Variants in NELL1 observed in about 807,000 individuals in gnomAD.
NELL1 encodes the protein protein kinase C-binding protein NELL1.
NELL1 carries 76 observed loss-of-function variants against 107.4 expected under a neutral mutation model. The ratio of observed to expected loss-of-function variants is 0.71; its 90% confidence interval spans 0.59 to 0.86. The LOEUF is 0.86. Ranked by LOEUF, NELL1 falls within the 40% of genes least tolerant of loss-of-function variation. The probability of loss-of-function intolerance (pLI) is 0.00; values close to 1 mark genes in which losing one functional copy is unlikely to be tolerated. For missense variants in NELL1, 1,024 were observed against 1,005.5 expected, an observed-to-expected ratio of 1.02 and a Z score of -0.25; for synonymous variants, 353 against 341.2, an observed-to-expected ratio of 1.03 and a Z score of -0.38.
At chr11:21,010,814 A>G (rs759365516) in intron 12 of NELL1, among the ~76,000 whole-genome samples, 7 of 152,140 alleles carry the variant, frequency 4.6e-5, no homozygotes, top group Non-Finnish European at 8.8e-5. Context: ...ATTAGAAAAC[A>G]GCAAACTGCC....
Position 21,477,778 on chromosome 11 carries a change from C to T in NELL1, c.1646-56596C>T, listed in dbSNP as rs950497145. Reference sequence around the variant, plus strand: ...TTTCAAAATAGCTGTTTTGAGGAAACTCAGTGAAATTCAAGATAATACAGA... The same window carrying T: ...TTTCAAAATAGCTGTTTTGAGGAAATTCAGTGAAATTCAAGATAATACAGA... On this transcript the variant is annotated intron_variant, in intron 15 of 19. Transcript: ENST00000357134. 2.6e-5 allele frequency among the ~76,000 whole-genome samples: 4 copies of T among 151,394 alleles called. No individual in the cohort carries two copies. In the South Asian group the frequency reaches 6.2e-4, roughly 24 times the overall value.
chr11:20,852,016 G>A (rs545097394), intron 4 of NELL1, among the ~76,000 whole-genome samples: 3 of 152,350 alleles, frequency 2.0e-5, no homozygotes, highest in Middle Eastern at 3.4e-3. Context: ...GCAGCTAAGA[G>A]ATGGATGGCT....
chr11:21,370,798 G>A (rs566207703), intron 14 of NELL1, 55 bp from the exon 15 acceptor site: 68 of 1,395,102 alleles, frequency 4.9e-5, no homozygotes, highest in South Asian at 3.7e-4. Flanking sequence ...GCTGTTTACC[G>A]TGAATTTATC....
chr11:21,272,454 C>G (rs1353972838), intron 14 of NELL1, among the ~76,000 whole-genome samples: 1 of 152,220 alleles, frequency 6.6e-6, no homozygotes, highest in East Asian at 1.9e-4. Flanking sequence ...GCCTGCCTGC[C>G]TCTGTAGACT....
intron 2 of NELL1, among the ~76,000 whole-genome samples, chr11:20,737,216 C>G (rs1282166138): frequency 6.6e-6 from 1 of 152,030 alleles, no homozygotes; most frequent in African/African-American, 2.4e-5. Context: ...TCCTGCCCCC[C>G]AGTTTGTTAT....
chr11:21,049,689 T>A (rs76581829), intron 12 of NELL1, among the ~76,000 whole-genome samples: 57,391 of 151,726 alleles, frequency 0.38, 13,583 homozygotes, highest in African/African-American at 0.66. Context: ...AACTTTTTTT[T>A]TTTTTTGAGA....
intron 13 of NELL1, chr11:21,170,110 A>C: frequency 1.3e-6 from 1 of 792,436 alleles, no homozygotes; most frequent in Non-Finnish European, 2.1e-6. Flanking sequence ...TGGAGGCAAA[A>C]CCACCCTTCA....
At chr11:21,427,725 C>T (rs967464458) in intron 15 of NELL1, among the ~76,000 whole-genome samples, 5 of 152,120 alleles carry the variant, frequency 3.3e-5, no homozygotes, top group African/African-American at 4.8e-5. Flanking sequence ...AACATACACA[C>T]AAAAATGTTG....
At chr11:21,196,593 C>T (rs1284226066) in intron 13 of NELL1, among the ~76,000 whole-genome samples, 2 of 152,034 alleles carry the variant, frequency 1.3e-5, no homozygotes, top group Non-Finnish European at 2.9e-5. Context: ...CCAGGCCTCT[C>T]TATCTATTTT....
chr11:21,535,907 T>A (rs1856124453), intron 16 of NELL1, among the ~76,000 whole-genome samples: 1 of 152,152 alleles, frequency 6.6e-6, no homozygotes, highest in Non-Finnish European at 1.5e-5. Flanking sequence ...TGTAAATCAA[T>A]GTTATATGAA....
At chr11:21,574,873 G>T in intron 19 of NELL1, 99 bp from the exon 20 acceptor site, 39 of 929,960 alleles carry the variant, frequency 4.2e-5, no homozygotes, top group East Asian at 1.0e-4. Flanking sequence ...CTTGAAGTTT[G>T]TCTCAAAATG....
chr11:20,794,024 C>T lies in NELL1; in HGVS notation c.335+10194C>T, dbSNP rs78834076. ...TGTATTGATTAACTGATTGATTGCT[C>T]AATCCATGACAGTCTGAGAGAAGTA... is the stretch of plus-strand genomic sequence containing the variant. On this transcript the variant is annotated intron_variant, in intron 3 of 19. Transcript: ENST00000357134. Among the ~76,000 whole-genome samples the T allele has an allele frequency of 7.4e-3, 1,126 of 152,270 alleles. 13 individuals carry two copies. Among genetic ancestry groups the T allele is most frequent in the African/African-American group, 0.026 (1,067 of 41,538 alleles).
chr11:20,675,409 A>T (rs1265534899), intron 1 of NELL1, among the ~76,000 whole-genome samples: 1 of 152,172 alleles, frequency 6.6e-6, no homozygotes, highest in South Asian at 2.1e-4. Context: ...CCAGATATGC[A>T]TATTGCTCAG....
At chr11:21,185,482 A>C (rs1470931142) in intron 13 of NELL1, among the ~76,000 whole-genome samples, 2 of 151,410 alleles carry the variant, frequency 1.3e-5, no homozygotes, top group African/African-American at 2.4e-5. Context: ...TTTAGTAGAG[A>C]CGGAGTTCCA....
chr11:20,939,514 T>A (rs1850803824), intron 10 of NELL1, among the ~76,000 whole-genome samples: 1 of 152,048 alleles, frequency 6.6e-6, no homozygotes, highest in Admixed American at 6.6e-5. Context: ...TTATACAAGA[T>A]TTAAAGTTTG....
chr11:20,706,476 C>G (rs971814385), intron 2 of NELL1, among the ~76,000 whole-genome samples: 2 of 136,710 alleles, frequency 1.5e-5, no homozygotes, highest in Non-Finnish European at 3.0e-5. Context: ...AATGAGAACA[C>G]ATGGACACAG....
At chr11:21,534,161 T>C (rs968672283) in intron 15 of NELL1, among the ~76,000 whole-genome samples, 4 of 152,208 alleles carry the variant, frequency 2.6e-5, no homozygotes, top group African/African-American at 9.6e-5. Flanking sequence ...CTCTCATTCA[T>C]TGTTCAATAT....
At chr11:21,141,073 C>A (rs1369818720) in intron 13 of NELL1, among the ~76,000 whole-genome samples, 2 of 152,136 alleles carry the variant, frequency 1.3e-5, no homozygotes, top group Non-Finnish European at 2.9e-5. Context: ...GAAAAATGGT[C>A]AATTTTATGG....
chr11:21,205,318 G>T (rs754387446), intron 13 of NELL1, among the ~76,000 whole-genome samples: 4 of 152,180 alleles, frequency 2.6e-5, no homozygotes, highest in Non-Finnish European at 5.9e-5. Context: ...GCCTAGAGAG[G>T]AGGAATCTAA....
Sources: allele counts gnomAD v4.1 joint callset (sites outside exome capture counted in the v4.1 genomes callset), GRCh38; gene constraint gnomAD v4.1.1; transcripts MANE v1.5; gene names NCBI Gene and HGNC (gene_info 2026-07-23, HGNC 2026-07-21).